The following CHST15 variants were observed in gnomAD, a reference collection of about 807,000 sequenced individuals.
CHST15 encodes carbohydrate sulfotransferase 15, also known as B cell RAG associated protein (GALNAC4S-6ST).
CHST15 carries 30 observed loss-of-function variants against 53.6 expected under a neutral mutation model. The observed-to-expected ratio is 0.56, with a 90% CI of 0.42 to 0.76. CHST15 has a LOEUF of 0.76. Among genes scored for constraint, CHST15 ranks in the 30% least tolerant of loss-of-function variants. The probability of loss-of-function intolerance (pLI) is 0.00; values close to 1 mark genes in which losing one functional copy is unlikely to be tolerated. For missense variants in CHST15, 627 were observed against 740.5 expected (o/e 0.85, Z 1.78); for synonymous variants, 296 against 289.8 (o/e 1.02, Z -0.22).
intron 1 of CHST15, among the ~76,000 whole-genome samples, chr10:124,083,052 G>C (rs1000393727): frequency 2.0e-5 from 3 of 152,186 alleles, no homozygotes; most frequent in Non-Finnish European, 2.9e-5. Context: ...AAAAAACATG[G>C]AATTGTATAC....
In CHST15 at chr10:124,021,238, G is replaced by GA. The variant is rs1554903155; in HGVS notation, c.1347+17_1347+18insT. The GA allele has an allele frequency of 5.2e-6, 4 of 770,898 alleles. No homozygotes were observed. Among genetic ancestry groups the GA allele is most frequent in the South Asian group, 4.8e-5 (2 of 41,246 alleles). The allele number at this position is 770,898 out of a possible 1,614,324, so 47.8% of individuals were successfully genotyped here. A position where few individuals can be genotyped will look rare whatever the true frequency, so the allele number is the denominator to read the frequency against. On this transcript the variant is annotated intron_variant, in intron 6 of 7. Coordinates refer to ENST00000435907, the MANE Select transcript of CHST15 (RefSeq NM_001270764.2). ...GCCAGGGGCCAGCTCGGGGGGTACG[G>GA]GGGGGGGGGGTACACACAGGCATGG...
At chr10:124,072,331 G>T (rs1293504117) in intron 1 of CHST15, among the ~76,000 whole-genome samples, 1 of 152,148 alleles carries the variant, frequency 6.6e-6, no homozygotes, top group Non-Finnish European at 1.5e-5. Context: ...GTGTGGTTGG[G>T]GAGACCAGCA....
chr10:124,039,880 T>C (rs1477960585), intron 4 of CHST15, among the ~76,000 whole-genome samples: 1 of 152,218 alleles, frequency 6.6e-6, no homozygotes, highest in African/African-American at 2.4e-5. Context: ...TGAAAGTTAC[T>C]TATCTGGGGA....
chr10:124,021,561 C>T, intron 5 of CHST15, 149 bp from the exon 6 acceptor site: 2 of 1,379,710 alleles, frequency 1.4e-6, no homozygotes, highest in African/African-American at 2.9e-5. Flanking sequence ...AGATGAGCCA[C>T]CTCCCTCATC....
chr10:124,010,548 G>A, intron 7 of CHST15: 1 of 985,464 alleles, frequency 1.0e-6, no homozygotes, highest in Non-Finnish European at 1.2e-6. Context: ...AAGAAATTCT[G>A]CGGCGGGTGC....
intron 5 of CHST15, among the ~76,000 whole-genome samples, chr10:124,023,582 T>C (rs563856871): frequency 4.6e-5 from 7 of 152,248 alleles, no homozygotes; most frequent in African/African-American, 4.8e-5. Context: ...GCAGCCCTTT[T>C]TGTCTGTTTT....
At chr10:124,050,649 G>C (rs1051964551) in intron 1 of CHST15, among the ~76,000 whole-genome samples, 2 of 152,198 alleles carry the variant, frequency 1.3e-5, no homozygotes, top group Non-Finnish European at 2.9e-5. Flanking sequence ...TAAAGAAGTG[G>C]GAGGTATGAT....
At chr10:124,013,829 C>G (rs951854387) in intron 6 of CHST15, among the ~76,000 whole-genome samples, 2 of 152,216 alleles carry the variant, frequency 1.3e-5, no homozygotes, top group African/African-American at 4.8e-5. Flanking sequence ...CTATCTGTGT[C>G]TGCCCAGAAC....
intron 5 of CHST15, among the ~76,000 whole-genome samples, chr10:124,033,517 C>A (rs1048025181): frequency 3.3e-5 from 5 of 152,162 alleles, no homozygotes; most frequent in African/African-American, 1.2e-4. Flanking sequence ...GTGGCTAGAC[C>A]TCATGACTCA....
intron 7 of CHST15, chr10:124,011,404 A>G: frequency 1.0e-6 from 1 of 985,320 alleles, no homozygotes. Flanking sequence ...GAAGGGAAAG[A>G]ACTCATCAAA....
intron 5 of CHST15, among the ~76,000 whole-genome samples, chr10:124,037,939 C>G (rs1947571322): frequency 6.6e-6 from 1 of 152,092 alleles, no homozygotes; most frequent in African/African-American, 2.4e-5. Context: ...CCGTCCTGTG[C>G]CCCTGGTCAG....
chr10:124,020,914 CT>C (rs1946754338), intron 6 of CHST15: 7 of 1,376,764 alleles, frequency 5.1e-6, no homozygotes, highest in African/African-American at 1.5e-5. Context: ...AGAGAATGCT[CT>C]TAAGACAATT....
chr10:124,083,375 T>C (rs1210490035), intron 1 of CHST15, among the ~76,000 whole-genome samples: 1 of 152,216 alleles, frequency 6.6e-6, no homozygotes, highest in Non-Finnish European at 1.5e-5. Context: ...TTTCCACCAC[T>C]CAAATGGCAA....
intron 1 of CHST15, among the ~76,000 whole-genome samples, chr10:124,084,822 A>G (rs1182020456): frequency 6.6e-6 from 1 of 151,998 alleles, no homozygotes; most frequent in African/African-American, 2.4e-5. Context: ...CCAAATCCCC[A>G]CCTGGATGTC....
At chr10:124,045,301 G>A (rs1947953793) in intron 2 of CHST15, among the ~76,000 whole-genome samples, 1 of 152,092 alleles carries the variant, frequency 6.6e-6, no homozygotes, top group Admixed American at 6.6e-5. Context: ...ATGTAGAATA[G>A]AAGCAGAAAA....
At position 124,036,952 on chromosome 10, in the gene CHST15, T is replaced by C. The variant is rs1947519592; in HGVS notation, c.1190+1563A>G. Among the ~76,000 whole-genome samples the C allele has an allele frequency of 6.6e-6, 1 of 152,104 alleles. No individual in the cohort carries two copies. Among genetic ancestry groups the C allele is most frequent in the South Asian group, 2.1e-4 (1 of 4,830 alleles). ...ATGACAGGACTTTCTTCCCTCAGTG[T>C]CCTGGAAGCTGGAGTCTGAAACCCA... On this transcript the variant is annotated intron_variant, in intron 5 of 7. Transcript: ENST00000435907. This position sits in a 1 kb window ranked among gnomAD's most constrained non-coding sequence, Gnocchi z 5.1.
chr10:124,044,623 G>C lies in CHST15; in HGVS notation c.843C>G (p.Phe281Leu). ...ACCAGTGTGGCTCCTTGATGGCGGA[G>C]AACTTGACCTCAGGGTGCAGCCGCA... ...DRLRLHPEVK[F>L]SAIKEPHWWT... Residue 281 changes from phenylalanine to leucine, a missense_variant, in exon 3 of 8, where the codon TTC becomes TTG. Phe to Leu is a conservative substitution (Grantham distance 22). This residue lies in a region of CHST15 where 161 missense variants were observed against 117.2 expected (regional missense o/e 1.37). Transcript: ENST00000435907. 1 of 1,587,050 alleles carries C rather than the reference G, an allele frequency of 6.3e-7. No homozygotes were observed.
chr10:124,077,323 T>G (rs899563299), intron 1 of CHST15, among the ~76,000 whole-genome samples: 1 of 152,222 alleles, frequency 6.6e-6, no homozygotes, highest in East Asian at 1.9e-4. Flanking sequence ...TGAGCCTGTT[T>G]ATCATAAGTC....
intron 1 of CHST15, among the ~76,000 whole-genome samples, chr10:124,076,305 T>C (rs1208320835): frequency 6.6e-6 from 1 of 152,242 alleles, no homozygotes; most frequent in Non-Finnish European, 1.5e-5. Context: ...TAGAGAATGT[T>C]GGTCCTTGTC....
Sources: allele counts gnomAD v4.1 joint callset (sites outside exome capture counted in the v4.1 genomes callset), GRCh38; gene constraint gnomAD v4.1.1; regional missense constraint gnomAD v4.1.1; non-coding constraint Gnocchi (gnomAD v3.1); transcripts MANE v1.5; gene names NCBI Gene and HGNC (gene_info 2026-07-23, HGNC 2026-07-21).